PLPPR1: variants seen among roughly 807,000 people sequenced by gnomAD.
PLPPR1 encodes phospholipid phosphatase related 1, also known as phospholipid phosphatase-related protein type 1.
Under a neutral mutation model 33.1 loss-of-function variants are expected in PLPPR1, and 10 were observed. The ratio of observed to expected loss-of-function variants is 0.30; its 90% CI spans 0.19 to 0.51. The LOEUF (loss-of-function observed/expected upper bound fraction) is 0.51, where lower values mean the gene tolerates loss of function less well. Ranked by LOEUF, PLPPR1 falls within the 20% of genes least tolerant of loss-of-function variation. PLPPR1 has a pLI of 0.97. For missense variants in PLPPR1, 304 were observed against 408.1 expected (o/e 0.74, Z 2.20); for synonymous variants, 151 against 151.0 (o/e 1.00, Z 0.00).
At chr9:101,129,322 AT>A (rs56227649) in intron 1 of PLPPR1, among the ~76,000 whole-genome samples, 23,344 of 152,116 alleles carry the variant, frequency 0.15, 2,034 homozygotes, top group Non-Finnish European at 0.2. Flanking sequence ...AAAAAAAAAA[AT>A]GTTACCCATG....
At chr9:101,310,822 A>G (rs986471055) in intron 5 of PLPPR1, among the ~76,000 whole-genome samples, 1 of 152,234 alleles carries the variant, frequency 6.6e-6, no homozygotes, top group Non-Finnish European at 1.5e-5. Context: ...ACTATGTGAC[A>G]TGAGTATGTG....
chr9:101,235,471 AT>A (rs1307497147), intron 2 of PLPPR1, among the ~76,000 whole-genome samples: 1 of 151,856 alleles, frequency 6.6e-6, no homozygotes, highest in East Asian at 1.9e-4. Context: ...CTTTAACAAA[AT>A]TTTTTTAAAA....
intron 4 of PLPPR1, among the ~76,000 whole-genome samples, chr9:101,295,250 T>A (rs1427759044): frequency 1.3e-5 from 2 of 151,846 alleles, no homozygotes; most frequent in African/African-American, 2.4e-5. Flanking sequence ...ACAAGGGACG[T>A]GAAGGACCTC....
At chr9:101,210,671 T>A (rs996236041) in intron 2 of PLPPR1, among the ~76,000 whole-genome samples, 2 of 152,226 alleles carry the variant, frequency 1.3e-5, no homozygotes, top group Non-Finnish European at 2.9e-5. Flanking sequence ...TGCAATCTAC[T>A]GCTTTATCTT....
intron 1 of PLPPR1, among the ~76,000 whole-genome samples, chr9:101,160,741 A>C (rs1292056356): frequency 6.6e-6 from 1 of 152,130 alleles, no homozygotes; most frequent in Non-Finnish European, 1.5e-5. Context: ...TTATGCAAAA[A>C]TCGTATGACT....
chr9:101,088,681 A>G (rs2118527088), intron 1 of PLPPR1, among the ~76,000 whole-genome samples: 1 of 152,328 alleles, frequency 6.6e-6, no homozygotes, highest in African/African-American at 2.4e-5. Flanking sequence ...TGAGCTCTAT[A>G]TGAGCAAAAA....
At chr9:101,204,131 C>T (rs1826545830) in intron 2 of PLPPR1, among the ~76,000 whole-genome samples, 2 of 152,202 alleles carry the variant, frequency 1.3e-5, no homozygotes, top group South Asian at 2.1e-4. Context: ...ACTGAGTTAA[C>T]CTAAGCTTGG....
At chr9:101,123,233 CGAACTAACTTATAGAACTAT>C (rs1199583637) in intron 1 of PLPPR1, among the ~76,000 whole-genome samples, 1 of 65,826 alleles carries the variant, frequency 1.5e-5, no homozygotes, top group African/African-American at 6.7e-5. Context: ...AAGTTAGTCC[CGAACTAACTTATAGAACTAT>C]AAGTTAGTGT....
intron 1 of PLPPR1, among the ~76,000 whole-genome samples, chr9:101,171,637 T>G (rs1588056944): frequency 6.6e-6 from 1 of 152,034 alleles, no homozygotes; most frequent in Non-Finnish European, 1.5e-5. Flanking sequence ...TCTTGAAAGC[T>G]CAAAGAGTGT....
At chr9:101,240,154 C>T (rs924562675) in intron 2 of PLPPR1, among the ~76,000 whole-genome samples, 1 of 151,928 alleles carries the variant, frequency 6.6e-6, no homozygotes, top group African/African-American at 2.4e-5. Context: ...AAGAGGGTGT[C>T]CTTTTCCCAG....
chr9:101,112,987 T>G (rs1270461848), intron 1 of PLPPR1, among the ~76,000 whole-genome samples: 1 of 152,230 alleles, frequency 6.6e-6, no homozygotes, highest in East Asian at 1.9e-4. Flanking sequence ...GATTCTTTCT[T>G]CTAGTTTTTT....
intron 1 of PLPPR1, among the ~76,000 whole-genome samples, chr9:101,130,284 G>A (rs962707534): frequency 3.9e-5 from 6 of 152,224 alleles, no homozygotes; most frequent in African/African-American, 1.4e-4. Context: ...CTCCTGCTTT[G>A]AGACAATCAC....
At chr9:101,127,849 A>G (rs1205618403) in intron 1 of PLPPR1, among the ~76,000 whole-genome samples, 1 of 152,120 alleles carries the variant, frequency 6.6e-6, no homozygotes. Context: ...CCCAACACTC[A>G]TCTTTTCCCA....
chr9:101,288,209 T>C (rs1828428959), intron 4 of PLPPR1, among the ~76,000 whole-genome samples: 1 of 152,108 alleles, frequency 6.6e-6, no homozygotes, highest in Non-Finnish European at 1.5e-5. Flanking sequence ...GTCCTCTAGA[T>C]TGTCTGTTGT....
Position 101,289,980 on chromosome 9 carries a change from G to T in PLPPR1, c.385+3744G>T, listed in dbSNP as rs181402231. On this transcript the variant is annotated intron_variant, in intron 4 of 7. Transcript: ENST00000374874. ...TAGGAAATTAAAGTGCATAAATGAG[G>T]TAATTTCTAAGAGAAAGCCAGAGAA... 3.9e-5 allele frequency among the ~76,000 whole-genome samples: 6 copies of T among 152,242 alleles called. No individual in the cohort carries two copies. In the East Asian group the frequency reaches 1.2e-3, roughly 29 times the overall value.
chr9:101,140,067 C>A (rs770876473), intron 1 of PLPPR1, among the ~76,000 whole-genome samples: 16 of 152,164 alleles, frequency 1.1e-4, no homozygotes, highest in South Asian at 2.1e-4. Flanking sequence ...GAATCTATAA[C>A]CTCCTCAAAT....
intron 2 of PLPPR1, among the ~76,000 whole-genome samples, chr9:101,243,893 A>G (rs944214905): frequency 1.3e-5 from 2 of 151,884 alleles, no homozygotes; most frequent in African/African-American, 2.4e-5. Context: ...GGAGTATATG[A>G]CATTCCTCCC....
intron 2 of PLPPR1, among the ~76,000 whole-genome samples, chr9:101,245,238 T>C (rs1467568150): frequency 2.0e-5 from 3 of 151,970 alleles, no homozygotes; most frequent in African/African-American, 7.2e-5. Context: ...CAATTTTACC[T>C]TATAGCAAAA....
At chr9:101,036,492 T>C (rs1830012148) in intron 1 of PLPPR1, among the ~76,000 whole-genome samples, 1 of 152,150 alleles carries the variant, frequency 6.6e-6, no homozygotes, top group African/African-American at 2.4e-5. Context: ...CCTTAATTTG[T>C]AAATTTACAT....
Sources: allele counts gnomAD v4.1 joint callset (sites outside exome capture counted in the v4.1 genomes callset), GRCh38; gene constraint gnomAD v4.1.1; transcripts MANE v1.5; gene names NCBI Gene and HGNC (gene_info 2026-07-23, HGNC 2026-07-21).